The following FRY variants were observed in gnomAD, a reference collection of about 807,000 sequenced individuals.
The protein encoded by FRY is FRY microtubule binding protein.
FRY carries 128 observed loss-of-function variants against 348.4 expected under a neutral mutation model. That is an observed-to-expected ratio of 0.37 (90% CI 0.32 to 0.43). The LOEUF is 0.43. Among genes scored for constraint, FRY ranks in the 20% least tolerant of loss-of-function variants. The probability of loss-of-function intolerance (pLI) is 1.00; values close to 1 mark genes in which losing one functional copy is unlikely to be tolerated. For missense variants in FRY, 2,736 were observed against 3,695.2 expected (o/e 0.74, Z 6.73); for synonymous variants, 1,370 against 1,374.7 (o/e 1.00, Z 0.08).
At chr13:32,105,635 A>T (rs1031228790) in intron 3 of FRY, among the ~76,000 whole-genome samples, 28 of 152,216 alleles carry the variant, frequency 1.8e-4, no homozygotes, top group African/African-American at 6.8e-4. Flanking sequence ...TATGCTGGAG[A>T]TGCCACCTTG....
In FRY at chr13:32,244,074, G is replaced by T. The variant is rs1886650071; in HGVS notation, c.6720G>T (p.Gln2240His). 3 of 1,614,156 alleles carry T rather than the reference G, an allele frequency of 1.9e-6. No homozygotes were observed. The African/African-American group carries it at 4.0e-5, about 22-fold the overall frequency. Residue 2240 changes from glutamine to histidine, a missense_variant, in exon 47 of 61, where the codon CAG (glutamine) becomes CAT (histidine). Around this residue, in one of 9 missense-constraint regions of FRY, gnomAD observed 789 missense variants for 996.2 expected, o/e 0.79. Coordinates refer to ENST00000542859, the MANE Select transcript of FRY (RefSeq NM_023037.3). ...LLEKGLPSVQ[Q>H]PLLQVIYSLL... ...AGAAGGGCCTCCCTAGTGTGCAGCA[G>T]CCCCTGCTCCAGGTGATCTACAGTC...
intron 11 of FRY, among the ~76,000 whole-genome samples, chr13:32,145,561 G>A (rs1335408988): frequency 1.6e-5 from 2 of 125,538 alleles, no homozygotes; most frequent in African/African-American, 6.4e-5. Flanking sequence ...TTTTTGAGAC[G>A]GAGTCTCGCT....
intron 2 of FRY, among the ~76,000 whole-genome samples, chr13:32,080,602 C>G (rs909303525): frequency 2.6e-5 from 4 of 152,210 alleles, no homozygotes; most frequent in Non-Finnish European, 5.9e-5. Flanking sequence ...CAACACAGGA[C>G]TCTCCTGTAA....
chr13:32,234,536 G>A lies in FRY; in HGVS notation c.5528-38G>A, dbSNP rs372931137. 6.9e-6 allele frequency: 11 copies of A among 1,583,304 alleles called. No individual in the cohort carries two copies. The African/African-American group carries it at 1.1e-4, about 16-fold the overall frequency. ...ACTTTGATGCCCCAGAGCATGTAGA[G>A]TAGAGACTGACCTATTCTGTGGCTC... On this transcript the variant is annotated intron_variant, in intron 41 of 60. Transcript: ENST00000542859.
At chr13:32,158,506 T>C (rs1881247592) in intron 16 of FRY, among the ~76,000 whole-genome samples, 1 of 152,258 alleles carries the variant, frequency 6.6e-6, no homozygotes, top group South Asian at 2.1e-4. Flanking sequence ...AAAAATATTA[T>C]CTACAGTTCT....
At chr13:32,293,896 T>C (rs1242790424) in intron 59 of FRY, among the ~76,000 whole-genome samples, 1 of 152,238 alleles carries the variant, frequency 6.6e-6, no homozygotes, top group Non-Finnish European at 1.5e-5. Flanking sequence ...GCATTTTGTA[T>C]ATATTATTTC....
intron 36 of FRY, among the ~76,000 whole-genome samples, chr13:32,223,010 G>A (rs1043909734): frequency 2.4e-4 from 36 of 152,078 alleles, no homozygotes; most frequent in Non-Finnish European, 7.4e-5. Context: ...CTGGAGTGCA[G>A]TGGCATGATC....
At position 32,187,672 on chromosome 13, in the gene FRY, A is replaced by C. The variant is rs748366201; in HGVS notation, c.3591+16A>C. 2 of 1,361,776 alleles carry C rather than the reference A, an allele frequency of 1.5e-6. No individual in the cohort carries two copies. The highest frequency in any genetic ancestry group is 2.3e-5 in the South Asian group (2 of 86,008). The allele number at this position is 1,361,776 out of a possible 1,614,324, so 84.4% of individuals were successfully genotyped here. ...AGATTTACGAGTAAGTATAGGCAAA[A>C]ATACATTGTTTTTGAATGTCTTCTG... On this transcript the variant is annotated intron_variant, in intron 28 of 60. Transcript: ENST00000542859.
intron 27 of FRY, 74 bp downstream of exon 27, chr13:32,186,494 A>G: frequency 1.0e-6 from 1 of 959,446 alleles, no homozygotes; most frequent in South Asian, 1.3e-5. Flanking sequence ...ACCATGCCTT[A>G]AAAATAAGCT....
chr13:32,123,863 C>T (rs552374084), intron 4 of FRY, among the ~76,000 whole-genome samples: 1 of 152,244 alleles, frequency 6.6e-6, no homozygotes, highest in South Asian at 2.1e-4. Context: ...TGGAGTCTCG[C>T]TCTGCCTCCC....
At chr13:32,032,782 A>G (rs548157374) in intron 1 of FRY, among the ~76,000 whole-genome samples, 3 of 152,344 alleles carry the variant, frequency 2.0e-5, no homozygotes, top group Non-Finnish European at 2.9e-5. Context: ...AAAGATCAGC[A>G]GGTATTACTG....
At chr13:32,043,554 CTAGGA>C (rs1282120795) in intron 1 of FRY, among the ~76,000 whole-genome samples, 1 of 152,098 alleles carries the variant, frequency 6.6e-6, no homozygotes, top group Non-Finnish European at 1.5e-5. Context: ...AACCTAGACT[CTAGGA>C]TAAACACTAT....
intron 14 of FRY, among the ~76,000 whole-genome samples, chr13:32,151,256 GTAAT>G (rs1880773370): frequency 6.6e-6 from 1 of 152,146 alleles, no homozygotes; most frequent in Non-Finnish European, 1.5e-5. Context: ...CAGTCAGTGC[GTAAT>G]TAGTTAACCT....
chr13:32,293,594 A>G (rs1001174916), intron 59 of FRY, among the ~76,000 whole-genome samples: 53 of 152,254 alleles, frequency 3.5e-4, no homozygotes, highest in African/African-American at 9.9e-4. Flanking sequence ...ATCAAATTGC[A>G]AAACAACCAT....
chr13:32,103,280 C>T (rs1877282057), intron 3 of FRY, among the ~76,000 whole-genome samples: 1 of 152,192 alleles, frequency 6.6e-6, no homozygotes, highest in Admixed American at 6.5e-5. Flanking sequence ...TGTCACCTGG[C>T]AGGTGCTGAG....
intron 59 of FRY, among the ~76,000 whole-genome samples, chr13:32,293,642 A>G (rs1040310497): frequency 3.3e-5 from 5 of 152,246 alleles, no homozygotes; most frequent in Non-Finnish European, 5.9e-5. Flanking sequence ...GAAGTGACAC[A>G]GGTTTTCTTA....
chr13:32,131,688 A>G lies in FRY; in HGVS notation c.733A>G (p.Lys245Glu). Reference protein sequence around the residue: ...LAQAKFPAVKKKFMAELKELR... With the variant: ...LAQAKFPAVKEKFMAELKELR... The stretch of plus-strand genomic sequence containing the variant: ...TCTTCTTAGATTCCCTGCTGTAAAG[A>G]AGAAATTTATGGCGGAGCTAAAAGA... The change falls in exon 8 of 61, where the codon AAG (lysine) becomes GAG (glutamate). Residue 245 changes from lysine to glutamate, a missense_variant. Physicochemically the swap from Lys to Glu is moderately conservative, Grantham distance 56. This residue lies in a region of FRY where 309 missense variants were observed against 418.1 expected (regional missense o/e 0.74). Transcript: ENST00000542859. 1 of 1,613,696 alleles carries G rather than the reference A, an allele frequency of 6.2e-7. No individual in the cohort carries two copies. The highest frequency in any genetic ancestry group is 8.5e-7 in the Non-Finnish European group (1 of 1,179,770).
intron 7 of FRY, among the ~76,000 whole-genome samples, chr13:32,130,704 T>G (rs1469947809): frequency 6.6e-6 from 1 of 152,220 alleles, no homozygotes; most frequent in South Asian, 2.1e-4. Flanking sequence ...GACTGGACTG[T>G]GTCTTTTTGT....
At chr13:32,211,553 A>G (rs894164003) in intron 34 of FRY, among the ~76,000 whole-genome samples, 2 of 152,218 alleles carry the variant, frequency 1.3e-5, no homozygotes, top group African/African-American at 4.8e-5. Context: ...AGCATCCTCC[A>G]TCACAGAACT....
Sources: allele counts gnomAD v4.1 joint callset (sites outside exome capture counted in the v4.1 genomes callset), GRCh38; gene constraint gnomAD v4.1.1; regional missense constraint gnomAD v4.1.1; transcripts MANE v1.5; gene names NCBI Gene and HGNC (gene_info 2026-07-23, HGNC 2026-07-21).